Variants in TMEM141 observed in about 807,000 individuals in gnomAD.
TMEM141 encodes the protein transmembrane protein 141.
In TMEM141, 18 loss-of-function variants were observed where a neutral mutation model predicts 15.9. The ratio of observed to expected loss-of-function variants is 1.13; its 90% confidence interval spans 0.78 to 1.68. TMEM141 has a LOEUF of 1.68. Ranked by LOEUF, TMEM141 falls within the 40% of genes most tolerant of loss-of-function variation. The pLI is 0.00. For synonymous variants in TMEM141, 69 were observed against 54.0 expected (o/e 1.28, Z -1.22); for missense variants, 161 against 139.5 (o/e 1.15, Z -0.78).
Position 136,793,131 on chromosome 9 carries a change from G to A in TMEM141, c.*299G>A, listed in dbSNP as rs1588326180. 8.0e-6 allele frequency: 2 copies of A among 250,406 alleles called. No homozygotes were observed. The highest frequency in any genetic ancestry group is 1.4e-4 in the East Asian group (2 of 14,508). 15.5% of individuals were successfully genotyped at this position (250,406 alleles called of 1,614,324 possible). A position where few individuals can be genotyped will look rare whatever the true frequency, so the allele number is the denominator to read the frequency against. On this transcript the variant is annotated 3_prime_UTR_variant, in exon 5 of 5. Coordinates refer to ENST00000290079, the MANE Select transcript of TMEM141 (RefSeq NM_032928.4). ...GGTGTGTCTGGGGGCCACCACCTAT[G>A]GGACACGGGGTCGAAGGGGCCTGTA...
chr9:136,791,881 G>A, intron 2 of TMEM141, 66 bp from the exon 3 acceptor site: 1 of 1,611,956 alleles, frequency 6.2e-7, no homozygotes, highest in Admixed American at 1.7e-5. Context: ...CAGGTGCTGG[G>A]GGCCTGGCAA....
intron 1 of TMEM141, 119 bp downstream of exon 1, chr9:136,791,543 T>C: frequency 6.4e-7 from 1 of 1,555,696 alleles, no homozygotes; most frequent in Non-Finnish European, 8.7e-7. Context: ...GGGGGCACTC[T>C]CTTGCTAAGG....
chr9:136,792,210 A>G (rs866232153), intron 3 of TMEM141, 41 bp from the exon 4 acceptor site: 2 of 1,540,572 alleles, frequency 1.3e-6, no homozygotes, highest in Middle Eastern at 3.4e-4. Context: ...TAGCCTGGGA[A>G]GCACAGAGGC....
Position 136,792,938 on chromosome 9 carries a change from C to T in TMEM141, c.*106C>T. 2.9e-6 allele frequency: 4 copies of T among 1,362,404 alleles called. No individual in the cohort carries two copies. Among genetic ancestry groups the T allele is most frequent in the Non-Finnish European group, 3.8e-6 (4 of 1,050,140 alleles). The allele number at this position is 1,362,404 out of a possible 1,614,324, so 84.4% of individuals were successfully genotyped here. ...ACCCTCCCCACACCCTAGGGTACCCCAGTCGTATCCTCTGTCCGCATGTGT... is the reference window on the plus strand; with the variant it reads ...ACCCTCCCCACACCCTAGGGTACCCTAGTCGTATCCTCTGTCCGCATGTGT... On this transcript the variant is annotated 3_prime_UTR_variant, in exon 5 of 5. Transcript: ENST00000290079.
intron 3 of TMEM141, 74 bp downstream of exon 3, chr9:136,792,104 G>A (rs2784041): frequency 0.3 from 483,444 of 1,585,842 alleles, 76,164 homozygotes; most frequent in African/African-American, 0.47. Flanking sequence ...GTGGTTCTGC[G>A]TCCCTGACTC....
In TMEM141 at chr9:136,791,473, T is replaced by A. The variant is rs1422857056; in HGVS notation, c.54+49T>A. The A allele has an allele frequency of 4.5e-6, 7 of 1,550,246 alleles. No individual in the cohort carries two copies. The South Asian group carries it at 8.3e-5, about 18-fold the overall frequency. ...GGGCCTCAAACCCCAGAAGCTGACC[T>A]GAGCGAGGCGGGGGGCCGGGGCGTG... is the stretch of plus-strand genomic sequence containing the variant. On this transcript the variant is annotated intron_variant, in intron 1 of 4. Transcript: ENST00000290079.
At chr9:136,792,126 C>T in intron 3 of TMEM141, 96 bp downstream of exon 3, 2 of 1,550,154 alleles carry the variant, frequency 1.3e-6, no homozygotes, top group Non-Finnish European at 1.8e-6. Flanking sequence ...GACATGGAGC[C>T]CCAGGTCTCG....
Position 136,791,938 on chromosome 9 carries a change from T to C in TMEM141, c.122-9T>C. The C allele has an allele frequency of 1.2e-6, 2 of 1,614,024 alleles. No individual in the cohort carries two copies. The highest frequency in any genetic ancestry group is 1.1e-5 in the South Asian group (1 of 91,088). On this transcript the variant is annotated splice_polypyrimidine_tract_variant and intron_variant, in intron 2 of 4. Coordinates refer to ENST00000290079, the MANE Select transcript of TMEM141 (RefSeq NM_032928.4). ...GGTACAGGTTGATGGGGACCTCGGC[T>C]CTTTGCAGGCACCGGCATGGCCTTT...
At chr9:136,792,765 G>C in intron 4 of TMEM141, 54 bp from the exon 5 acceptor site, 1 of 1,388,352 alleles carries the variant, frequency 7.2e-7, no homozygotes. Context: ...TGGGCACAGG[G>C]ATGCCCAGCC....
chr9:136,791,727 C>A lies in TMEM141; in HGVS notation c.71C>A (p.Ala24Asp), dbSNP rs1194038133. The A allele has an allele frequency of 6.2e-7, 1 of 1,613,292 alleles. No individual in the cohort carries two copies. Among genetic ancestry groups the A allele is most frequent in the Non-Finnish European group, 8.5e-7 (1 of 1,179,884 alleles). The change falls in exon 2 of 5, where the codon GCC becomes GAC. Residue 24 changes from alanine to aspartate, a missense_variant. Coordinates refer to ENST00000290079, the MANE Select transcript of TMEM141 (RefSeq NM_032928.4). ...CCACCCCAGGGACTCGGGGAGTATG[C>A]CGCATGCCAGTCACACGCCTTCATG... ...AAKHPGLGEY[A>D]ACQSHAFMKG...
At chr9:136,791,553 G>A in intron 1 of TMEM141, 129 bp downstream of exon 1, 1 of 1,558,224 alleles carries the variant, frequency 6.4e-7, no homozygotes, top group Non-Finnish European at 8.7e-7. Context: ...TCTTGCTAAG[G>A]GGCTCAGGGC....
Position 136,792,042 on chromosome 9 carries a change from A to G in TMEM141, c.205+12A>G. The G allele has an allele frequency of 6.2e-7, 1 of 1,613,162 alleles. No homozygotes were observed. The stretch of plus-strand genomic sequence containing the variant: ...CCTAGTGGCCGTGGGTGGGTACTCC[A>G]GGGCCCCTGCCTGGGCTCTTTGAGG... On this transcript the variant is annotated intron_variant, in intron 3 of 4. Transcript: ENST00000290079.
At position 136,791,693 on chromosome 9, in the gene TMEM141, C is replaced by T; in HGVS notation, c.55-18C>T. On this transcript the variant is annotated intron_variant, in intron 1 of 4. Coordinates refer to ENST00000290079, the MANE Select transcript of TMEM141 (RefSeq NM_032928.4). Reference sequence around the variant, plus strand: ...AGAGGGCAGGGGATCGAGCCTTCACCCGCCTCTGCCACCCCAGGGACTCGG... The same window carrying T: ...AGAGGGCAGGGGATCGAGCCTTCACTCGCCTCTGCCACCCCAGGGACTCGG... 1 of 1,611,654 alleles carries T rather than the reference C, an allele frequency of 6.2e-7. No individual in the cohort carries two copies. The highest frequency in any genetic ancestry group is 8.5e-7 in the Non-Finnish European group (1 of 1,179,046).
chr9:136,792,849 G>T lies in TMEM141; in HGVS notation c.*17G>T. On this transcript the variant is annotated 3_prime_UTR_variant, in exon 5 of 5. Coordinates refer to ENST00000290079, the MANE Select transcript of TMEM141 (RefSeq NM_032928.4). ...AGAAGCTAGGAGAGCTCCAGCAGGG[G>T]CACAGAGGATTGGGGGCAGGAGGAG... 6.4e-7 allele frequency: 1 copy of T among 1,552,800 alleles called. No homozygotes were observed. Among genetic ancestry groups the T allele is most frequent in the Non-Finnish European group, 8.7e-7 (1 of 1,148,802 alleles).
chr9:136,791,939 C>G lies in TMEM141; in HGVS notation c.122-8C>G. 1 of 1,614,088 alleles carries G rather than the reference C, an allele frequency of 6.2e-7. No individual in the cohort carries two copies. Among genetic ancestry groups the G allele is most frequent in the Non-Finnish European group, 8.5e-7 (1 of 1,180,006 alleles). ...GTACAGGTTGATGGGGACCTCGGCT[C>G]TTTGCAGGCACCGGCATGGCCTTTG... is the stretch of plus-strand genomic sequence containing the variant. On this transcript the variant is annotated splice_polypyrimidine_tract_variant and splice_region_variant and intron_variant, in intron 2 of 4. Transcript: ENST00000290079.
At chr9:136,791,832 C>T (rs1847593384) in intron 2 of TMEM141, 55 bp downstream of exon 2, 3 of 1,608,178 alleles carry the variant, frequency 1.9e-6, no homozygotes, top group South Asian at 1.1e-5. Flanking sequence ...TCCCGCCCTG[C>T]CCTGACTCCC....
chr9:136,793,143 C>T lies in TMEM141; in HGVS notation c.*311C>T, dbSNP rs1254477236. ...GGCCACCACCTATGGGACACGGGGT[C>T]GAAGGGGCCTGTACACTCTGTCATT... On this transcript the variant is annotated 3_prime_UTR_variant, in exon 5 of 5. Coordinates refer to ENST00000290079, the MANE Select transcript of TMEM141 (RefSeq NM_032928.4). 3.5e-5 allele frequency: 8 copies of T among 228,038 alleles called. No homozygotes were observed. The highest frequency in any genetic ancestry group is 1.6e-4 in the African/African-American group (7 of 44,018). The allele number at this position is 228,038 out of a possible 1,614,324, so 14.1% of individuals were successfully genotyped here. A position where few individuals can be genotyped will look rare whatever the true frequency, so the allele number is the denominator to read the frequency against.
rs1036305213 is a variant in TMEM141, at chr9:136,791,717, G to A, written c.61G>A (p.Gly21Arg). ...DAVAAKHPGL[G>R]EYAACQSHAF... The stretch of plus-strand genomic sequence containing the variant: ...CCCGCCTCTGCCACCCCAGGGACTC[G>A]GGGAGTATGCCGCATGCCAGTCACA... Residue 21 changes from glycine to arginine, a missense_variant, in exon 2 of 5, where the codon GGG becomes AGG. Transcript: ENST00000290079. 2.5e-6 allele frequency: 4 copies of A among 1,613,074 alleles called. No individual in the cohort carries two copies. The African/African-American group carries it at 5.3e-5, about 22-fold the overall frequency.
Position 136,791,414 on chromosome 9 carries a change from C to A in TMEM141, c.44C>A (p.Ala15Asp). The A allele has an allele frequency of 6.4e-7, 1 of 1,558,894 alleles. No homozygotes were observed. The highest frequency in any genetic ancestry group is 1.4e-5 in the African/African-American group (1 of 73,560). The change falls in exon 1 of 5, where the codon GCC becomes GAC. Residue 15 changes from alanine (A) to aspartate (D), a missense_variant. Ala to Asp is a moderately radical substitution (Grantham distance 126). Coordinates refer to ENST00000290079, the MANE Select transcript of TMEM141 (RefSeq NM_032928.4). The stretch of plus-strand genomic sequence containing the variant: ...TCCCGGGTGGACGACGCCGTGGCTG[C>A]CAAGCACCCGGTGAGAAGGCCGGTC... Reference protein sequence around the residue: ...GLSRVDDAVAAKHPGLGEYAA... With the variant: ...GLSRVDDAVADKHPGLGEYAA...
Sources: gnomAD v4.1 joint callset for allele counts on GRCh38, gnomAD v4.1.1 for gene constraint, MANE v1.5 for transcripts, NCBI Gene and HGNC (gene_info 2026-07-23, HGNC 2026-07-21) for gene names.